MTHFD2L: variants seen among roughly 807,000 people sequenced by gnomAD.
MTHFD2L encodes the protein bifunctional methylenetetrahydrofolate dehydrogenase/cyclohydrolase 2, mitochondrial.
Under a neutral mutation model 34.9 loss-of-function variants are expected in MTHFD2L, and 29 were observed. That is an observed-to-expected ratio of 0.83 (90% CI 0.62 to 1.13). The LOEUF is 1.13. Ranked by LOEUF, MTHFD2L falls within the 50% of genes most tolerant of loss-of-function variation. The pLI is 0.00. For missense variants in MTHFD2L, 481 were observed against 446.5 expected (o/e 1.08, Z -0.70); for synonymous variants, 167 against 155.7 (o/e 1.07, Z -0.54).
intron 6 of MTHFD2L, among the ~76,000 whole-genome samples, chr4:74,246,346 T>G (rs1742447216): frequency 6.6e-6 from 1 of 151,810 alleles, no homozygotes. Context: ...TCTTGTAAAT[T>G]TGTTTGAGTT....
At chr4:74,208,811 C>G (rs1735798058) in intron 5 of MTHFD2L, among the ~76,000 whole-genome samples, 1 of 152,122 alleles carries the variant, frequency 6.6e-6, no homozygotes, top group Admixed American at 6.5e-5. Flanking sequence ...CTCTGAGGAG[C>G]CCTTTTTGCT....
chr4:74,201,237 A>C (rs1444714363), intron 4 of MTHFD2L, 26 bp from the exon 5 acceptor site: 1 of 1,567,614 alleles, frequency 6.4e-7, no homozygotes, highest in Non-Finnish European at 8.8e-7. Flanking sequence ...TCAATTCTGC[A>C]TTTAAACCGA....
chr4:74,165,084 G>A (rs1220160403), intron 1 of MTHFD2L: 2 of 557,318 alleles, frequency 3.6e-6, no homozygotes, highest in Non-Finnish European at 4.6e-6. Context: ...AGAGTAAAAA[G>A]GGGCACGAAT....
At chr4:74,243,118 C>T (rs1430781735) in intron 6 of MTHFD2L, among the ~76,000 whole-genome samples, 1 of 152,190 alleles carries the variant, frequency 6.6e-6, no homozygotes, top group African/African-American at 2.4e-5. Context: ...ATTGCTGTGG[C>T]ACAGAAGGCC....
intron 1 of MTHFD2L, among the ~76,000 whole-genome samples, chr4:74,159,334 T>C (rs1169202996): frequency 1.3e-5 from 2 of 152,190 alleles, no homozygotes; most frequent in African/African-American, 4.8e-5. Flanking sequence ...GTAAGAATGT[T>C]CCACTTAGTT....
At chr4:74,299,881 T>C (rs1409680063) in intron 7 of MTHFD2L, among the ~76,000 whole-genome samples, 3 of 152,000 alleles carry the variant, frequency 2.0e-5, no homozygotes, top group Non-Finnish European at 2.9e-5. Flanking sequence ...GAAATATAGA[T>C]GGTGGGGCTT....
intron 7 of MTHFD2L, among the ~76,000 whole-genome samples, chr4:74,287,624 G>A (rs556514916): frequency 1.0e-3 from 154 of 152,286 alleles, no homozygotes; most frequent in African/African-American, 3.5e-3. Flanking sequence ...GTGCACTCCT[G>A]TAATCCCAGC....
upstream of MTHFD2L, among the ~76,000 whole-genome samples, chr4:74,120,550 G>C (rs958867381): frequency 1.3e-5 from 2 of 152,166 alleles, no homozygotes; most frequent in African/African-American, 2.4e-5. Flanking sequence ...CACTACTTGG[G>C]TCAATGAGGT....
chr4:74,203,540 C>T (rs574686103), intron 5 of MTHFD2L, among the ~76,000 whole-genome samples: 2 of 152,220 alleles, frequency 1.3e-5, no homozygotes, highest in African/African-American at 2.4e-5. Context: ...TAGGCCTTTA[C>T]GAAGGCCTCA....
At chr4:74,121,168 A>T (rs1263573158), upstream of MTHFD2L, among the ~76,000 whole-genome samples, 1 of 152,202 alleles carries the variant, frequency 6.6e-6, no homozygotes, top group Non-Finnish European at 1.5e-5. Context: ...TTCTAACTAC[A>T]AAAGACCCTA....
chr4:74,126,340 T>C lies in MTHFD2L; in HGVS notation c.-297+823T>C, dbSNP rs933848813. ...CACTGAAATATATGTGAACTATATA[T>C]ACATTTCGGAAAGATTAATAAAAAG... On this transcript the variant is annotated intron_variant, in intron 1 of 7. Coordinates refer to the MTHFD2L transcript ENST00000433372. Among the ~76,000 whole-genome samples, 5 of 152,300 alleles carry C rather than the reference T, an allele frequency of 3.3e-5. No homozygotes were observed. The South Asian group carries it at 1.0e-3, about 32-fold the overall frequency.
intron 3 of MTHFD2L, among the ~76,000 whole-genome samples, chr4:74,190,268 A>G (rs1345792639): frequency 6.6e-6 from 1 of 152,216 alleles, no homozygotes; most frequent in African/African-American, 2.4e-5. Flanking sequence ...GGTGTCCTTA[A>G]CATTGCTTAC....
intron 3 of MTHFD2L, among the ~76,000 whole-genome samples, chr4:74,199,268 G>T (rs1017899037): frequency 1.3e-5 from 2 of 152,038 alleles, no homozygotes; most frequent in Admixed American, 6.6e-5. Context: ...TTAGAGAAAA[G>T]ATGTGTGTGT....
intron 6 of MTHFD2L, among the ~76,000 whole-genome samples, chr4:74,259,370 G>A (rs761630532): frequency 3.3e-5 from 5 of 152,124 alleles, no homozygotes; most frequent in Admixed American, 6.5e-5. Flanking sequence ...CAGGGTAAAG[G>A]TTTTGTTCCA....
chr4:74,200,479 T>C (rs1363668822), intron 4 of MTHFD2L, among the ~76,000 whole-genome samples: 1 of 152,220 alleles, frequency 6.6e-6, no homozygotes, highest in African/African-American at 2.4e-5. Flanking sequence ...TCATGCATTT[T>C]GATGAAAACT....
At chr4:74,164,929 C>G in intron 1 of MTHFD2L, 1 of 978,652 alleles carries the variant, frequency 1.0e-6, no homozygotes, top group Admixed American at 6.1e-5. Context: ...AAGGTCATTT[C>G]TGCCTTTGTG....
At chr4:74,174,306 C>T (rs1728599294) in intron 1 of MTHFD2L, among the ~76,000 whole-genome samples, 200 bp from the exon 2 acceptor site, 1 of 151,840 alleles carries the variant, frequency 6.6e-6, no homozygotes, top group Non-Finnish European at 1.5e-5. Context: ...TACTGTAGAA[C>T]TAAATAACAG....
chr4:74,197,549 C>G (rs1468079267), intron 3 of MTHFD2L, among the ~76,000 whole-genome samples: 1 of 151,952 alleles, frequency 6.6e-6, no homozygotes, highest in Non-Finnish European at 1.5e-5. Context: ...AGGGAGGCCT[C>G]TGTGATTTTA....
At chr4:74,290,998 C>CTTTTTTTTTTTTTTTTTTTTTTTTTTT (rs1560565979) in intron 7 of MTHFD2L, among the ~76,000 whole-genome samples, 2 of 46,156 alleles carry the variant, frequency 4.3e-5, no homozygotes, top group African/African-American at 1.3e-4. Flanking sequence ...TTTATTTTTC[C>CTTTTTTTTTTTTTTTTTTTTTTTTTTT]TTTTCTTTTT....
Sources: allele counts gnomAD v4.1 joint callset (sites outside exome capture counted in the v4.1 genomes callset), GRCh38; gene constraint gnomAD v4.1.1; transcripts MANE v1.5; gene names NCBI Gene and HGNC (gene_info 2026-07-23, HGNC 2026-07-21).